Variants in ZNF285 observed in about 807,000 individuals in gnomAD.
The protein encoded by ZNF285 is zinc finger protein 285.
A neutral mutation model predicts 6.2 loss-of-function variants in ZNF285; 4 were observed. The ratio of observed to expected loss-of-function variants is 0.65; its 90% CI spans 0.32 to 1.49. The LOEUF is 1.49. ZNF285 is among the 40% of genes most tolerant of loss of function. ZNF285 has a pLI of 0.07. For missense variants in ZNF285, 695 were observed against 708.8 expected, an observed-to-expected ratio of 0.98 and a Z score of 0.22; for synonymous variants, 240 against 245.8, an observed-to-expected ratio of 0.98 and a Z score of 0.22.
In ZNF285 at chr19:44,387,750, T is replaced by C. The variant is rs1568384946; in HGVS notation, c.495A>G (p.Arg165=). 3 of 1,613,912 alleles carry C rather than the reference T, an allele frequency of 1.9e-6. No individual in the cohort carries two copies. Among genetic ancestry groups the C allele is most frequent in the Non-Finnish European group, 2.5e-6 (3 of 1,179,866 alleles). The part of the protein sequence containing the change: ...IMTEPQNSQG[R]YKGIYMEEKL... ...TCTCTTCCATGTAAATTCCCTTATA[T>C]CTTCCCTGAGAGTTCTGGGGCTCGG... Residue 165 remains arginine, a synonymous_variant, in exon 4 of 4, where the codon AGA becomes AGG. Coordinates refer to ENST00000614994, the MANE Select transcript of ZNF285 (RefSeq NM_152354.6).
In ZNF285 at chr19:44,386,903, T is replaced by C. The variant is rs1261654382; in HGVS notation, c.1342A>G (p.Arg448Gly). 3 of 1,613,398 alleles carry C rather than the reference T, an allele frequency of 1.9e-6. No homozygotes were observed. In the East Asian group the frequency reaches 6.7e-5, roughly 36 times the overall value. Residue 448 changes from arginine to glycine, a missense_variant, in exon 4 of 4, where the codon AGA becomes GGA. By Grantham distance (125) the Arg-to-Gly change is moderately radical (BLOSUM62 -2). Coordinates refer to ENST00000614994, the MANE Select transcript of ZNF285 (RefSeq NM_152354.6). The stretch of plus-strand genomic sequence containing the variant: ...TATGGTTTCTCCCCTGTGTGGACTC[T>C]CTGGTGAATGTGAAGGTGTGTACAT... Reference protein sequence around the residue: ...SQCTHLHIHQRVHTGEKPYKC... With the variant: ...SQCTHLHIHQGVHTGEKPYKC...
Position 44,383,118 on chromosome 19 carries a change from T to C in ZNF285, c.*3354A>G, listed in dbSNP as rs1971026174. ...ACATGCCAATTTCGTGTGAAACCAA[T>C]TTGTTGACCCGATAATTTTAAAACA... On this transcript the variant is annotated 3_prime_UTR_variant, in exon 4 of 4. Transcript: ENST00000614994. 6.6e-6 allele frequency: 1 copy of C among 152,240 alleles called. No homozygotes were observed. Among genetic ancestry groups the C allele is most frequent in the East Asian group, 1.9e-4 (1 of 5,196 alleles). 9.4% of individuals were successfully genotyped at this position (152,240 alleles called of 1,614,324 possible). A position where few individuals can be genotyped will look rare whatever the true frequency, so the allele number is the denominator to read the frequency against.
Position 44,401,348 on chromosome 19 carries a change from C to CCGAGCCCACGCT in ZNF285, c.-44+208_-44+219dup, listed in dbSNP as rs535187231. ...GTCAAACCCAGGGCTGCTCCCCAAACCGAGCCCACGCTCGAGCCCACGCTC... is the reference window on the plus strand; with the variant it reads ...GTCAAACCCAGGGCTGCTCCCCAAACCGAGCCCACGCTCGAGCCCACGCTCGAGCCCACGCTC... On this transcript the variant is annotated intron_variant, in intron 1 of 3. Transcript: ENST00000614994. 2.6e-5 allele frequency: 4 copies of CCGAGCCCACGCT among 152,364 alleles called. No individual in the cohort carries two copies. The South Asian group carries it at 6.2e-4, about 24-fold the overall frequency. 9.4% of individuals were successfully genotyped at this position (152,364 alleles called of 1,614,324 possible).
At chr19:44,388,840 C>T (rs904052700) in intron 3 of ZNF285, among the ~76,000 whole-genome samples, 1 of 145,928 alleles carries the variant, frequency 6.9e-6, no homozygotes, top group Non-Finnish European at 1.5e-5. Flanking sequence ...TGATGGCTTC[C>T]CTTCCTTCAC....
intron 1 of ZNF285, among the ~76,000 whole-genome samples, chr19:44,397,678 A>G (rs1026903032): frequency 3.3e-5 from 5 of 152,112 alleles, no homozygotes; most frequent in Non-Finnish European, 7.3e-5. Flanking sequence ...TGAGGCCAGG[A>G]GTTCGAGACC....
rs138478343 is a variant in ZNF285, at chr19:44,395,713, G to A, written c.15+1486C>T. Among the ~76,000 whole-genome samples, 223 of 152,254 alleles carry A rather than the reference G, an allele frequency of 1.5e-3. 1 individual carries two copies. Among genetic ancestry groups the A allele is most frequent in the African/African-American group, 5.3e-3 (219 of 41,500 alleles). ...TCCAATCCCACTAAAGGACCAGAGT[G>A]TGTTTCCTTACCCCTTTAGTTTTGA... On this transcript the variant is annotated intron_variant, in intron 2 of 3. Transcript: ENST00000614994.
intron 3 of ZNF285, 79 bp from the exon 4 acceptor site, chr19:44,388,181 G>T: frequency 1.5e-6 from 2 of 1,367,600 alleles, no homozygotes; most frequent in South Asian, 1.4e-5. Context: ...TAATATGATG[G>T]GGTGGGAAGT....
chr19:44,387,338 G>T lies in ZNF285; in HGVS notation c.907C>A (p.Leu303Ile), dbSNP rs1470580181. The part of the protein sequence containing the change: ...WPMGCKQSSD[L>I]PRYQKVSSGD... ...GAGGAGACTTTCTGATATCTGGGAA[G>T]GTCTGAGCTCTGTTTGCAGCCCATA... The change falls in exon 4 of 4, where the codon CTT becomes ATT. Residue 303 changes from leucine to isoleucine, a missense_variant. By Grantham distance (5) the Leu-to-Ile change is conservative. Coordinates refer to ENST00000614994, the MANE Select transcript of ZNF285 (RefSeq NM_152354.6). 1.2e-6 allele frequency: 2 copies of T among 1,614,090 alleles called. No homozygotes were observed. The highest frequency in any genetic ancestry group is 2.7e-5 in the African/African-American group (2 of 74,930).
intron 2 of ZNF285, among the ~76,000 whole-genome samples, chr19:44,393,186 G>A (rs754290465): frequency 2.0e-5 from 3 of 152,126 alleles, no homozygotes; most frequent in Non-Finnish European, 1.5e-5. Flanking sequence ...TTATAGTAAT[G>A]CCTGCAATTT....
chr19:44,389,786 C>A (rs1008735554), intron 3 of ZNF285, among the ~76,000 whole-genome samples: 1 of 152,136 alleles, frequency 6.6e-6, no homozygotes, highest in East Asian at 1.9e-4. Context: ...TTTCAGGACT[C>A]ACCAAGAGGG....
chr19:44,397,852 T>A (rs894340876), intron 1 of ZNF285, among the ~76,000 whole-genome samples: 3 of 141,930 alleles, frequency 2.1e-5, no homozygotes, highest in Non-Finnish European at 4.5e-5. Flanking sequence ...CACTCCAGCC[T>A]GGGCAACAGA....
At position 44,388,252 on chromosome 19, in the gene ZNF285, C is replaced by A. The variant is rs118099321; in HGVS notation, c.143-150G>T. 5.8e-3 allele frequency: 4,277 copies of A among 731,772 alleles called. 215 individuals are homozygous for A. The East Asian group carries it at 0.093, about 16-fold the overall frequency. 45.3% of individuals were successfully genotyped at this position (731,772 alleles called of 1,614,324 possible). On this transcript the variant is annotated intron_variant, in intron 3 of 3. Coordinates refer to ENST00000614994, the MANE Select transcript of ZNF285 (RefSeq NM_152354.6). Reference sequence around the variant, plus strand: ...AGCCACGGTAATTCTAACCTGTGAGCTGCCAATTAGAAATCAAGTGTTGTA... The same window carrying A: ...AGCCACGGTAATTCTAACCTGTGAGATGCCAATTAGAAATCAAGTGTTGTA...
Position 44,387,957 on chromosome 19 carries a change from T to G in ZNF285, c.288A>C (p.Glu96Asp). 6.2e-7 allele frequency: 1 copy of G among 1,614,206 alleles called. No individual in the cohort carries two copies. ...VSQDYIVNLQ[E>D]ECSPHLEDVS... is the part of the protein sequence containing the mutation. ...CATCTTCTAAATGTGGGGAACACTC[T>G]TCTTGAAGGTTCACGATATAATCCT... The change falls in exon 4 of 4, where the codon GAA becomes GAC. Residue 96 changes from glutamate (E) to aspartate (D), a missense_variant. Transcript: ENST00000614994.
rs1346971028 is a variant in ZNF285 at position 44,387,259 on chromosome 19, G to A, written c.986C>T (p.Ser329Phe). 7 of 1,614,120 alleles carry A rather than the reference G, an allele frequency of 4.3e-6. No homozygotes were observed. The highest frequency in any genetic ancestry group is 5.1e-6 in the Non-Finnish European group (6 of 1,180,010). ...GACTCGATGATGGTTGTGAAGGGAA[G>A]AGCTGCGCCTGAAGCCCTTGCCACA... ...KECGKGFRRS[S>F]SLHNHHRVHT... Residue 329 changes from serine to phenylalanine, a missense_variant, in exon 4 of 4, where the codon TCT (serine) becomes TTT (phenylalanine). Ser to Phe is a radical substitution (Grantham distance 155). Transcript: ENST00000614994.
chr19:44,391,202 C>T (rs1971189673), intron 3 of ZNF285, among the ~76,000 whole-genome samples: 1 of 151,944 alleles, frequency 6.6e-6, no homozygotes, highest in South Asian at 2.1e-4. Context: ...CTCTTGTCTG[C>T]CACCATGTGA....
At position 44,386,741 on chromosome 19, in the gene ZNF285, G is replaced by A. The variant is rs763933371; in HGVS notation, c.1504C>T (p.His502Tyr). The change falls in exon 4 of 4, where the codon CAT becomes TAT. Residue 502 changes from histidine to tyrosine, a missense_variant. Coordinates refer to ENST00000614994, the MANE Select transcript of ZNF285 (RefSeq NM_152354.6). ...CFSYSSYFHLHQRDHIREKPY... is the reference protein window; with the variant it reads ...CFSYSSYFHLYQRDHIREKPY... ...TTCTCTCTGATGTGATCTCTTTGAT[G>A]TAAGTGAAAATATGAACTGTAACTG... 1.9e-6 allele frequency: 3 copies of A among 1,614,158 alleles called. No individual in the cohort carries two copies. Among genetic ancestry groups the A allele is most frequent in the East Asian group, 4.5e-5 (2 of 44,884 alleles).
Position 44,382,514 on chromosome 19 carries a change from G to C in ZNF285, c.*3958C>G, listed in dbSNP as rs1036136414. ...GGGGTTTCACTATGTTGGCCAGGCT[G>C]GTCTCAAACTCCTGATCTTGTGATT... is the stretch of plus-strand genomic sequence containing the variant. On this transcript the variant is annotated 3_prime_UTR_variant, in exon 4 of 4. Transcript: ENST00000614994. 2 of 151,922 alleles carry C rather than the reference G, an allele frequency of 1.3e-5. No homozygotes were observed. The highest frequency in any genetic ancestry group is 2.4e-5 in the African/African-American group (1 of 41,348). 9.4% of individuals were successfully genotyped at this position (151,922 alleles called of 1,614,324 possible). A position where few individuals can be genotyped will look rare whatever the true frequency, so the allele number is the denominator to read the frequency against.
At chr19:44,391,158 A>G (rs1410535461) in intron 3 of ZNF285, among the ~76,000 whole-genome samples, 1 of 151,746 alleles carries the variant, frequency 6.6e-6, no homozygotes, top group African/African-American at 2.4e-5. Context: ...ATCTCAAAAA[A>G]AAAAAAAAAA....
Position 44,386,946 on chromosome 19 carries a change from A to G in ZNF285, c.1299T>C (p.Cys433=). 1 of 1,614,050 alleles carries G rather than the reference A, an allele frequency of 6.2e-7. No individual in the cohort carries two copies. Among genetic ancestry groups the G allele is most frequent in the Non-Finnish European group, 8.5e-7 (1 of 1,180,004 alleles). Reference sequence around the variant, plus strand: ...GTGTACATTGGCTGAAGCCCTTTCCACACTCACCACACCTATATGGTTTCT... The same window carrying G: ...GTGTACATTGGCTGAAGCCCTTTCCGCACTCACCACACCTATATGGTTTCT... ...TGEKPYRCGE[C]GKGFSQCTHL... The change falls in exon 4 of 4, where the codon TGT becomes TGC. Residue 433 remains cysteine (C), a synonymous_variant. Coordinates refer to ENST00000614994, the MANE Select transcript of ZNF285 (RefSeq NM_152354.6).
Sources: gnomAD v4.1 joint callset for allele counts (sites outside exome capture counted in the v4.1 genomes callset) on GRCh38, gnomAD v4.1.1 for gene constraint, MANE v1.5 for transcripts, NCBI Gene and HGNC (gene_info 2026-07-23, HGNC 2026-07-21) for gene names.